MRPL12: variants seen among roughly 807,000 people sequenced by gnomAD.
The protein encoded by MRPL12 is large ribosomal subunit protein bL12m.
In MRPL12, 13 loss-of-function variants were observed where a neutral mutation model predicts 21.1. That is an observed-to-expected ratio of 0.62 (90% CI 0.40 to 0.98). The LOEUF (loss-of-function observed/expected upper bound fraction) is 0.98. MRPL12 is among the 50% of genes least tolerant of loss of function. The pLI, the probability that MRPL12 is intolerant of heterozygous loss-of-function variation, is 0.00. For missense variants in MRPL12, 251 were observed against 268.6 expected, an observed-to-expected ratio of 0.93 and a Z score of 0.46; for synonymous variants, 126 against 115.3, an observed-to-expected ratio of 1.09 and a Z score of -0.60.
At position 81,706,943 on chromosome 17, in the gene MRPL12, C is replaced by T. The variant is rs2037319708; in HGVS notation, c.383C>T (p.Thr128Ile). 1.9e-6 allele frequency: 3 copies of T among 1,613,930 alleles called. No homozygotes were observed. The highest frequency in any genetic ancestry group is 1.3e-5 in the African/African-American group (1 of 74,934). Residue 128 changes from threonine (T) to isoleucine (I), a missense_variant, in exon 4 of 5, where the codon ACA (threonine) becomes ATA (isoleucine). Physicochemically the swap from Thr to Ile is moderately conservative, Grantham distance 89. Transcript: ENST00000333676. Reference sequence around the variant, plus strand: ...GATATCCCCATAGCGAAAGAACGGACACATTTCACCGTCCGCCTGACCGAG... The same window carrying T: ...GATATCCCCATAGCGAAAGAACGGATACATTTCACCGTCCGCCTGACCGAG... ...EEDIPIAKER[T>I]HFTVRLTEAK...
At chr17:81,706,256 C>T (rs1378487566) in intron 3 of MRPL12, among the ~76,000 whole-genome samples, 2 of 152,154 alleles carry the variant, frequency 1.3e-5, no homozygotes, top group African/African-American at 2.4e-5. Flanking sequence ...GACTGTGAAG[C>T]ATGTTTTTAT....
chr17:81,704,621 C>G lies in MRPL12; in HGVS notation c.262-12C>G. 1 of 1,613,886 alleles carries G rather than the reference C, an allele frequency of 6.2e-7. No individual in the cohort carries two copies. The highest frequency in any genetic ancestry group is 1.6e-4 in the Middle Eastern group (1 of 6,062). On this transcript the variant is annotated splice_polypyrimidine_tract_variant and intron_variant, in intron 2 of 4. Transcript: ENST00000333676. ...GAGGGCCAGCTGTGGACACTGTTCT[C>G]TATCTCTGCAGAAAACGTTGAAGAT...
Position 81,704,245 on chromosome 17 carries a change from C to A in MRPL12, c.76C>A (p.Arg26=), listed in dbSNP as rs1214696093. The part of the protein sequence containing the change: ...LRAAAFRLAR[R]QVPCVCAVRH... ...GTTTTAATTGGGGGTGGGGGCTAGG[C>A]GACAGGTGCCATGTGTCTGTGCCGT... Residue 26 remains arginine (R), a splice_region_variant and synonymous_variant, in exon 2 of 5, where the codon CGA becomes AGA. Coordinates refer to ENST00000333676, the MANE Select transcript of MRPL12 (RefSeq NM_002949.4). The A allele has an allele frequency of 2.5e-6, 4 of 1,604,068 alleles. No homozygotes were observed. In the Admixed American group the frequency reaches 6.8e-5, roughly 27 times the overall value.
At chr17:81,705,928 G>C (rs2037309063) in intron 3 of MRPL12, among the ~76,000 whole-genome samples, 1 of 152,254 alleles carries the variant, frequency 6.6e-6, no homozygotes, top group Non-Finnish European at 1.5e-5. Flanking sequence ...GGTAAGAATA[G>C]CTGGGATTAC....
rs1419356049 is a variant in MRPL12 at position 81,707,178 on chromosome 17, G to C, written c.535G>C (p.Ala179Pro). Residue 179 changes from alanine (A) to proline (P), a missense_variant, in exon 5 of 5, where the codon GCT becomes CCT. Coordinates refer to ENST00000333676, the MANE Select transcript of MRPL12 (RefSeq NM_002949.4). The stretch of plus-strand genomic sequence containing the variant: ...GGAAATCAAAGCCAATGTCGCCAAA[G>C]CTGAGGCGGAGAAGATCAAGGCGGC... ...PQEIKANVAK[A>P]EAEKIKAALE... 18 of 1,613,776 alleles carry C rather than the reference G, an allele frequency of 1.1e-5. No homozygotes were observed. The highest frequency in any genetic ancestry group is 1.5e-5 in the Non-Finnish European group (18 of 1,179,908).
rs1456962407 is a variant in MRPL12 at position 81,703,471 on chromosome 17, A to G, written c.-31A>G. ...GCTAGAGCGTCGCCTCCTCCCGGGG[A>G]ACCGCGTGTGACCTTCCAGCCCGCG... On this transcript the variant is annotated 5_prime_UTR_variant, in exon 1 of 5. Coordinates refer to ENST00000333676, the MANE Select transcript of MRPL12 (RefSeq NM_002949.4). 11 of 1,460,394 alleles carry G rather than the reference A, an allele frequency of 7.5e-6. No individual in the cohort carries two copies. Among genetic ancestry groups the G allele is most frequent in the Admixed American group, 2.2e-5 (1 of 44,670 alleles). The allele number at this position is 1,460,394 out of a possible 1,614,324, so 90.5% of individuals were successfully genotyped here. A position where few individuals can be genotyped will look rare whatever the true frequency, so the allele number is the denominator to read the frequency against.
chr17:81,704,610 G>A (rs767734117), intron 2 of MRPL12, 23 bp from the exon 3 acceptor site: 2 of 1,613,422 alleles, frequency 1.2e-6, no homozygotes, highest in African/African-American at 1.3e-5. Context: ...GCCAGCTGTG[G>A]ACACTGTTCT....
chr17:81,707,416 G>C lies in MRPL12; in HGVS notation c.*176G>C, dbSNP rs944761670. 5.4e-5 allele frequency: 35 copies of C among 642,280 alleles called. No individual in the cohort carries two copies. Among genetic ancestry groups the C allele is most frequent in the African/African-American group, 5.2e-4 (28 of 54,016 alleles). 39.8% of individuals were successfully genotyped at this position (642,280 alleles called of 1,614,324 possible). A position where few individuals can be genotyped will look rare whatever the true frequency, so the allele number is the denominator to read the frequency against. On this transcript the variant is annotated 3_prime_UTR_variant, in exon 5 of 5. Transcript: ENST00000333676. ...CACAGACCTACTGTGGCGGGAGGGA[G>C]GGGCGGCTGCTGCCTGGTGACGGCA...
At chr17:81,706,657 G>T (rs2037317102) in intron 3 of MRPL12, among the ~76,000 whole-genome samples, 1 of 152,290 alleles carries the variant, frequency 6.6e-6, no homozygotes, top group Admixed American at 6.5e-5. Flanking sequence ...AGTGAGCTGA[G>T]GTCGCACCAC....
rs544971796 is a variant in MRPL12 at position 81,704,417 on chromosome 17, A to G, written c.248A>G (p.Asn83Ser). ...SLTLLEISDL[N>S]ELLKKTLKIQ... ...ACTCTCTTGGAAATCTCAGACCTCAACGAGCTCCTGAAGGTATCGTGAGAG... is the reference window on the plus strand; with the variant it reads ...ACTCTCTTGGAAATCTCAGACCTCAGCGAGCTCCTGAAGGTATCGTGAGAG... The change falls in exon 2 of 5, where the codon AAC becomes AGC. Residue 83 changes from asparagine (N) to serine (S), a missense_variant. By Grantham distance (46) the Asn-to-Ser change is conservative. Coordinates refer to ENST00000333676, the MANE Select transcript of MRPL12 (RefSeq NM_002949.4). 49 of 1,612,374 alleles carry G rather than the reference A, an allele frequency of 3.0e-5. 1 individual carries two copies. The South Asian group carries it at 4.8e-4, about 16-fold the overall frequency.
intron 3 of MRPL12, among the ~76,000 whole-genome samples, chr17:81,706,015 G>T (rs906985214): frequency 6.6e-6 from 1 of 152,240 alleles, no homozygotes; most frequent in Non-Finnish European, 1.5e-5. Context: ...AGGCCGTGGG[G>T]ACACGCAGCC....
At chr17:81,703,703 G>T in intron 1 of MRPL12, 128 bp downstream of exon 1, 1 of 909,154 alleles carries the variant, frequency 1.1e-6, no homozygotes, top group Non-Finnish European at 1.5e-6. Context: ...GGGCTTGGGG[G>T]TCCCATCGGG....
chr17:81,705,576 G>C (rs1243667156), intron 3 of MRPL12, among the ~76,000 whole-genome samples: 3 of 152,198 alleles, frequency 2.0e-5, no homozygotes, highest in Non-Finnish European at 4.4e-5. Context: ...GCGGAGGACG[G>C]GGAGGCACCA....
intron 3 of MRPL12, among the ~76,000 whole-genome samples, chr17:81,706,586 A>G (rs754231201): frequency 6.6e-6 from 1 of 152,098 alleles, no homozygotes; most frequent in Non-Finnish European, 1.5e-5. Context: ...GAGAAAAAGC[A>G]CCAGCTGGAC....
chr17:81,706,320 G>A (rs1433831448), intron 3 of MRPL12, among the ~76,000 whole-genome samples: 2 of 152,064 alleles, frequency 1.3e-5, no homozygotes, highest in Non-Finnish European at 1.5e-5. Flanking sequence ...GCAATGGCGC[G>A]ATCTCAGCCC....
Position 81,703,599 on chromosome 17 carries a change from CG to C in MRPL12, c.74+27del, listed in dbSNP as rs1268258798. 4 of 1,372,294 alleles carry C rather than the reference CG, an allele frequency of 2.9e-6. No individual in the cohort carries two copies. In the African/African-American group the frequency reaches 4.6e-5, roughly 16 times the overall value. 85.0% of individuals were successfully genotyped at this position (1,372,294 alleles called of 1,614,324 possible). On this transcript the variant is annotated intron_variant, in intron 1 of 4. Transcript: ENST00000333676. ...AGGTACGCGGGATCCTGGGGCGGTC[CG>C]GGCCGGCAGGCGGGTTAGGGGGCAG...
chr17:81,705,675 C>T (rs961338720), intron 3 of MRPL12, among the ~76,000 whole-genome samples: 24 of 152,184 alleles, frequency 1.6e-4, no homozygotes, highest in African/African-American at 5.3e-4. Context: ...CAAGCAGCTC[C>T]GTCCTTGGGT....
Position 81,707,272 on chromosome 17 carries a change from C to CT in MRPL12, c.*32_*33insT, listed in dbSNP as rs1433472508. The stretch of plus-strand genomic sequence containing the variant: ...GCTCGGAGGACTTGTGTTCAGGGGT[C>CT]CTGGGCCCCGGGCGAGGTCCCGCCC... On this transcript the variant is annotated 3_prime_UTR_variant, in exon 5 of 5. Transcript: ENST00000333676. The CT allele has an allele frequency of 6.6e-7, 1 of 1,513,938 alleles. No homozygotes were observed. Among genetic ancestry groups the CT allele is most frequent in the East Asian group, 2.4e-5 (1 of 42,164 alleles). 93.8% of individuals were successfully genotyped at this position (1,513,938 alleles called of 1,614,324 possible).
At chr17:81,704,895 T>G (rs551400110) in intron 3 of MRPL12, among the ~76,000 whole-genome samples, 179 bp downstream of exon 3, 1 of 152,332 alleles carries the variant, frequency 6.6e-6, no homozygotes, top group African/African-American at 2.4e-5. Flanking sequence ...CGACTTTGCA[T>G]GTGGAGACCA....
Sources: allele counts gnomAD v4.1 joint callset (sites outside exome capture counted in the v4.1 genomes callset), GRCh38; gene constraint gnomAD v4.1.1; transcripts MANE v1.5; gene names NCBI Gene and HGNC (gene_info 2026-07-23, HGNC 2026-07-21).